The following COL23A1 variants were observed in gnomAD, a reference collection of about 807,000 sequenced individuals.
The protein encoded by COL23A1 is collagen alpha-1(XXIII) chain.
COL23A1 carries 97 observed loss-of-function variants against 99.3 expected under a neutral mutation model. The ratio of observed to expected loss-of-function variants is 0.98; its 90% CI spans 0.83 to 1.16. The LOEUF is 1.16. Among genes scored for constraint, COL23A1 ranks in the 50% most tolerant of loss-of-function variants. COL23A1 has a pLI of 0.00. For missense variants in COL23A1, 762 were observed against 757.4 expected, an observed-to-expected ratio of 1.01 and a Z score of -0.07; for synonymous variants, 320 against 308.2, an observed-to-expected ratio of 1.04 and a Z score of -0.40.
At chr5:178,385,640 T>C (rs2973733) in intron 2 of COL23A1, among the ~76,000 whole-genome samples, 18,827 of 152,212 alleles carry the variant, frequency 0.12, 3,803 homozygotes, top group African/African-American at 0.42. Context: ...CACAGACTGG[T>C]GACTGGCTGT....
At chr5:178,355,381 T>C (rs1157208194) in intron 2 of COL23A1, among the ~76,000 whole-genome samples, 2 of 152,168 alleles carry the variant, frequency 1.3e-5, no homozygotes, top group Non-Finnish European at 2.9e-5. Flanking sequence ...CCCCCATGGA[T>C]ATTAAGGCAC....
At chr5:178,535,179 G>C (rs1301103131) in intron 2 of COL23A1, among the ~76,000 whole-genome samples, 1 of 152,006 alleles carries the variant, frequency 6.6e-6, no homozygotes, top group Non-Finnish European at 1.5e-5. Flanking sequence ...TCACCATGTT[G>C]ACCACGTTGG....
At chr5:178,478,576 C>T (rs1305290776) in intron 2 of COL23A1, among the ~76,000 whole-genome samples, 1 of 152,304 alleles carries the variant, frequency 6.6e-6, no homozygotes, top group African/African-American at 2.4e-5. Flanking sequence ...GGTGGGCTCC[C>T]CTGAAATGGG....
intron 2 of COL23A1, among the ~76,000 whole-genome samples, chr5:178,321,711 T>G (rs1438368334): frequency 2.6e-5 from 4 of 151,826 alleles, no homozygotes; most frequent in South Asian, 2.1e-4. Context: ...GGATGGTCTC[T>G]ATCTCCCGAC....
intron 12 of COL23A1, 78 bp from the exon 13 acceptor site, chr5:178,257,645 G>A (rs1021852316): frequency 1.4e-6 from 2 of 1,412,038 alleles, no homozygotes; most frequent in African/African-American, 2.8e-5. Context: ...GGACTTCCCA[G>A]CACACCAGTC....
chr5:178,240,540 T>C (rs532293908), intron 27 of COL23A1, among the ~76,000 whole-genome samples: 1 of 152,296 alleles, frequency 6.6e-6, no homozygotes, highest in African/African-American at 2.4e-5. Flanking sequence ...GGGATTCTCC[T>C]GTTTCAAAGG....
At chr5:178,251,690 G>A (rs1191149708) in intron 17 of COL23A1, among the ~76,000 whole-genome samples, 3 of 152,154 alleles carry the variant, frequency 2.0e-5, no homozygotes, top group African/African-American at 7.2e-5. Flanking sequence ...GGTGAACATA[G>A]CACCTGATAG....
intron 3 of COL23A1, among the ~76,000 whole-genome samples, chr5:178,296,332 G>A (rs986340237): frequency 2.9e-4 from 44 of 152,270 alleles, no homozygotes; most frequent in Admixed American, 1.4e-3. Context: ...CACTGAATGC[G>A]TTCCCCAGAG....
intron 12 of COL23A1, 48 bp downstream of exon 12, chr5:178,259,673 G>A (rs763273300): frequency 2.1e-6 from 3 of 1,436,676 alleles, no homozygotes; most frequent in East Asian, 5.4e-5. Context: ...CTTCTCTCCA[G>A]CCACTTCCCA....
At chr5:178,299,790 G>C (rs1256178922) in intron 3 of COL23A1, among the ~76,000 whole-genome samples, 1 of 152,050 alleles carries the variant, frequency 6.6e-6, no homozygotes, top group Non-Finnish European at 1.5e-5. Flanking sequence ...GACTGGCTCT[G>C]TCACCCAGGC....
chr5:178,375,750 C>T (rs1581257386), intron 2 of COL23A1, among the ~76,000 whole-genome samples: 1 of 152,310 alleles, frequency 6.6e-6, no homozygotes, highest in East Asian at 1.9e-4. Flanking sequence ...CTCTGTTGCC[C>T]AGGCTGGAGT....
At chr5:178,258,262 T>TATATATATATATATATATATAGAC in intron 12 of COL23A1, among the ~76,000 whole-genome samples, 1 of 104,066 alleles carries the variant, frequency 9.6e-6, no homozygotes. Flanking sequence ...TATATATATA[T>TATATATATATATATATATATAGAC]ACACATGCAA....
chr5:178,456,528 G>A (rs1212064590), intron 2 of COL23A1, among the ~76,000 whole-genome samples: 3 of 152,086 alleles, frequency 2.0e-5, no homozygotes, highest in East Asian at 1.9e-4. Context: ...CAGAAAGCCC[G>A]TCTCTACTAA....
chr5:178,331,993 T>C (rs1381873617), intron 2 of COL23A1, among the ~76,000 whole-genome samples: 3 of 152,118 alleles, frequency 2.0e-5, no homozygotes, highest in Non-Finnish European at 4.4e-5. Context: ...CATCCCAGGC[T>C]CTGAGGCTGC....
chr5:178,468,936 C>T lies in COL23A1; in HGVS notation c.361+91746G>A, dbSNP rs1392026265. On this transcript the variant is annotated intron_variant, in intron 2 of 28. Transcript: ENST00000390654. This position sits in a 1 kb window ranked among gnomAD's most constrained non-coding sequence, Gnocchi z 4.2. Reference sequence around the variant, plus strand: ...CCCCACTCCCCCCAGCCTGTGGCACCCACCATCCTGGTTTCCGTCTCTATG... The same window carrying T: ...CCCCACTCCCCCCAGCCTGTGGCACTCACCATCCTGGTTTCCGTCTCTATG... Among the ~76,000 whole-genome samples, 1 of 152,142 alleles carries T rather than the reference C, an allele frequency of 6.6e-6. No individual in the cohort carries two copies. Among genetic ancestry groups the T allele is most frequent in the African/African-American group, 2.4e-5 (1 of 41,416 alleles).
At chr5:178,397,247 G>A (rs551728964) in intron 2 of COL23A1, among the ~76,000 whole-genome samples, 2 of 152,334 alleles carry the variant, frequency 1.3e-5, no homozygotes, top group Non-Finnish European at 2.9e-5. Flanking sequence ...CGGATACACC[G>A]GGGGCAGAGC....
At position 178,415,048 on chromosome 5, in the gene COL23A1, G is replaced by A. The variant is rs1396566010; in HGVS notation, c.362-108129C>T. 1.3e-5 allele frequency among the ~76,000 whole-genome samples: 2 copies of A among 152,154 alleles called. No individual in the cohort carries two copies. The highest frequency in any genetic ancestry group is 4.8e-5 in the African/African-American group (2 of 41,430). On this transcript the variant is annotated intron_variant, in intron 2 of 28. Coordinates refer to ENST00000390654, the MANE Select transcript of COL23A1 (RefSeq NM_173465.4). The surrounding 1 kb of genome is among the most constrained non-coding windows in gnomAD (Gnocchi z 4.6). Reference sequence around the variant, plus strand: ...TGCCTCTCTGCTTCCACAATAAGATGAGGGCAGGTTTTTAAACAGTTTGTG... The same window carrying A: ...TGCCTCTCTGCTTCCACAATAAGATAAGGGCAGGTTTTTAAACAGTTTGTG...
At chr5:178,325,526 C>T (rs553706254) in intron 2 of COL23A1, among the ~76,000 whole-genome samples, 50 of 151,872 alleles carry the variant, frequency 3.3e-4, no homozygotes, top group Non-Finnish European at 6.3e-4. Flanking sequence ...ACTCATCCTA[C>T]AATACCCAGC....
intron 27 of COL23A1, among the ~76,000 whole-genome samples, chr5:178,239,551 G>T (rs973931731): frequency 1.5e-4 from 22 of 149,872 alleles, no homozygotes; most frequent in African/African-American, 4.7e-4. Context: ...CAGTGACTCT[G>T]GCCTGGGTCC....
Sources: gnomAD v4.1 joint callset for allele counts (sites outside exome capture counted in the v4.1 genomes callset) on GRCh38, gnomAD v4.1.1 for gene constraint, Gnocchi (gnomAD v3.1) non-coding constraint, MANE v1.5 for transcripts, NCBI Gene and HGNC (gene_info 2026-07-23, HGNC 2026-07-21) for gene names.